The following STMN1 variants were observed in gnomAD, a reference collection of about 807,000 sequenced individuals.
STMN1 encodes stathmin 1, also known as stathmin.
Under a neutral mutation model 19.7 loss-of-function variants are expected in STMN1, and 3 were observed. That is an observed-to-expected ratio of 0.15 (90% CI 0.07 to 0.39). The LOEUF (loss-of-function observed/expected upper bound fraction) is 0.39, where lower values mean the gene tolerates loss of function less well. STMN1 is among the 10% of genes least tolerant of loss of function. The pLI is 1.00. For synonymous variants in STMN1, 59 were observed against 58.9 expected (o/e 1.00, Z -0.01); for missense variants, 99 against 176.0 (o/e 0.56, Z 2.48).
chr1:25,885,615 CT>C (rs2048714463), exon 5 of STMN1: 10 of 1,390,934 alleles, frequency 7.2e-6, no homozygotes, highest in African/African-American at 4.4e-5. Flanking sequence ...CCAAGTCTGC[CT>C]GACCCCAAAG....
chr1:25,897,447 G>A (rs542293646), downstream of STMN1, among the ~76,000 whole-genome samples: 9 of 152,224 alleles, frequency 5.9e-5, no homozygotes, highest in South Asian at 2.1e-4. Context: ...CAGGTTTACC[G>A]GGACAGCTAA....
downstream of STMN1, among the ~76,000 whole-genome samples, chr1:25,898,045 C>T (rs1345721996): frequency 6.6e-6 from 1 of 152,148 alleles, no homozygotes; most frequent in African/African-American, 2.4e-5. Flanking sequence ...CAGCCACTCT[C>T]CAGTCAACTC....
At chr1:25,892,549 C>T (rs1264918976) in intron 4 of STMN1, 1 of 984,034 alleles carries the variant, frequency 1.0e-6, no homozygotes, top group Non-Finnish European at 1.2e-6. Context: ...GGGTAGATGC[C>T]ACCACGGCTG....
intron 3 of STMN1, chr1:25,903,151 GA>G (rs1277888821): frequency 6.6e-6 from 1 of 152,216 alleles, no homozygotes; most frequent in East Asian, 1.9e-4. Context: ...CTTTATAATA[GA>G]ATTGTTTAGA....
intron 3 of STMN1, 29 bp from the exon 4 acceptor site, chr1:25,901,711 A>C: frequency 6.3e-7 from 1 of 1,587,686 alleles, no homozygotes; most frequent in East Asian, 2.2e-5. Flanking sequence ...TAGGCTAGGC[A>C]CTCTAAAATG....
At chr1:25,886,378 G>A (rs2048721068) in intron 4 of STMN1, among the ~76,000 whole-genome samples, 1 of 152,198 alleles carries the variant, frequency 6.6e-6, no homozygotes, top group Admixed American at 6.5e-5. Flanking sequence ...TCCCCTCTCT[G>A]GGCTTCATTT....
chr1:25,906,743 A>C (rs1206246965), upstream of STMN1: 1 of 152,232 alleles, frequency 6.6e-6, no homozygotes, highest in Non-Finnish European at 1.5e-5. This position sits in a 1 kb window ranked among gnomAD's most constrained non-coding sequence, Gnocchi z 4.5. Context: ...TCTCGAGAAC[A>C]AGGGCAGGGC....
rs1291131151 is a variant in STMN1, at chr1:25,885,759, T to C, written c.489A>G (p.Ala163=). ...GAGAGAGATCAGACCAGGTAATCAATGCAGATTGGAGGCCCAGGGCTGGGC... is the reference window on the plus strand; with the variant it reads ...GAGAGAGATCAGACCAGGTAATCAACGCAGATTGGAGGCCCAGGGCTGGGC... The change falls in exon 5 of 5, where the codon GCA becomes GCG. Residue 163 remains alanine, a synonymous_variant. Coordinates refer to the STMN1 transcript ENST00000426559. The C allele has an allele frequency of 5.2e-6, 8 of 1,551,574 alleles. No homozygotes were observed. The African/African-American group carries it at 8.2e-5, about 16-fold the overall frequency.
chr1:25,898,850 C>G (rs1431208684), downstream of STMN1, among the ~76,000 whole-genome samples: 1 of 152,218 alleles, frequency 6.6e-6, no homozygotes, highest in Non-Finnish European at 1.5e-5. Context: ...CCCAGAGACA[C>G]TTCCCCAGAA....
chr1:25,888,759 T>C (rs2124224098), intron 4 of STMN1, among the ~76,000 whole-genome samples: 1 of 152,314 alleles, frequency 6.6e-6, no homozygotes, highest in Middle Eastern at 3.4e-3. Context: ...TCCATCTCCC[T>C]GTCCCAGCCA....
downstream of STMN1, among the ~76,000 whole-genome samples, chr1:25,897,674 G>C (rs906740122): frequency 2.0e-5 from 3 of 152,028 alleles, no homozygotes; most frequent in Non-Finnish European, 4.4e-5. Context: ...ATTGTTCCGG[G>C]CAACGAGGGG....
chr1:25,892,571 C>A lies in STMN1; in HGVS notation c.379-6702G>T, dbSNP rs4659396. The A allele has an allele frequency of 1.2e-3, 1,171 of 981,824 alleles. 17 individuals carry two copies. The Admixed American group carries it at 0.033, about 28-fold the overall frequency. 60.8% of individuals were successfully genotyped at this position (981,824 alleles called of 1,614,324 possible). On this transcript the variant is annotated intron_variant, in intron 4 of 4. Coordinates refer to the STMN1 transcript ENST00000426559. ...TGCCACCACGGCTGAGCCGCTGAGC[C>A]GCTGAGGGTCCCCTCCCAGCTGGAG...
Position 25,903,696 on chromosome 1 carries a change from T to C in STMN1, c.131A>G (p.Asp44Gly). 6.2e-7 allele frequency: 1 copy of C among 1,613,844 alleles called. No homozygotes were observed. Among genetic ancestry groups the C allele is most frequent in the Non-Finnish European group, 8.5e-7 (1 of 1,180,028 alleles). ...EFPLSPPKKK[D>G]LSLEEIQKKL... The stretch of plus-strand genomic sequence containing the variant: ...CTTCTGAATTTCCTCCAGGGAAAGA[T>C]CCTTCTTCTTTGGAGGGGAAAGGGG... Residue 44 changes from aspartate (D) to glycine (G), a missense_variant, in exon 3 of 5, where the codon GAT becomes GGT. Transcript: ENST00000455785.
chr1:25,906,634 G>A (rs917843072), upstream of STMN1, among the ~76,000 whole-genome samples: 10 of 152,090 alleles, frequency 6.6e-5, no homozygotes, highest in South Asian at 2.1e-4. The surrounding 1 kb of genome is among the most constrained non-coding windows in gnomAD (Gnocchi z 4.5). Flanking sequence ...GGGCGCCTGG[G>A]GAGCATCCCC....
chr1:25,902,376 C>T (rs1332046298), intron 3 of STMN1: 1 of 152,092 alleles, frequency 6.6e-6, no homozygotes, highest in Non-Finnish European at 1.5e-5. Flanking sequence ...AAATTTTAAC[C>T]ATAACTGATA....
downstream of STMN1, among the ~76,000 whole-genome samples, chr1:25,897,906 A>G (rs2048833314): frequency 6.6e-6 from 1 of 152,110 alleles, no homozygotes; most frequent in African/African-American, 2.4e-5. Context: ...CAGCTTCCCA[A>G]GTTTAGAGCA....
At chr1:25,904,499 T>G (rs2048914662) in intron 2 of STMN1, among the ~76,000 whole-genome samples, 165 bp downstream of exon 2, 1 of 152,216 alleles carries the variant, frequency 6.6e-6, no homozygotes, top group Non-Finnish European at 1.5e-5. Flanking sequence ...TTACGAGCTC[T>G]CGGCACATTC....
chr1:25,888,179 GCA>G (rs1399770184), intron 4 of STMN1, among the ~76,000 whole-genome samples: 3 of 152,148 alleles, frequency 2.0e-5, no homozygotes, highest in Admixed American at 2.0e-4. Flanking sequence ...GTAGAACACA[GCA>G]CAGTGCTTGG....
chr1:25,896,487 C>T (rs1475972919), downstream of STMN1, among the ~76,000 whole-genome samples: 1 of 152,008 alleles, frequency 6.6e-6, no homozygotes, highest in Non-Finnish European at 1.5e-5. Context: ...AGGTAGCTGG[C>T]TCATTTCCTG....
Sources: gnomAD v4.1 joint callset for allele counts (sites outside exome capture counted in the v4.1 genomes callset) on GRCh38, gnomAD v4.1.1 for gene constraint, Gnocchi (gnomAD v3.1) non-coding constraint, MANE v1.5 for transcripts, NCBI Gene and HGNC (gene_info 2026-07-23, HGNC 2026-07-21) for gene names.